MAGI1: variants seen among roughly 807,000 people sequenced by gnomAD.
The protein encoded by MAGI1 is membrane-associated guanylate kinase, WW and PDZ domain-containing protein 1.
Under a neutral mutation model 139.9 loss-of-function variants are expected in MAGI1, and 58 were observed. The observed-to-expected ratio is 0.41, with a 90% CI of 0.34 to 0.52. The LOEUF is 0.52. MAGI1 is among the 20% of genes least tolerant of loss of function. MAGI1 has a pLI of 0.12. For synonymous variants in MAGI1, 812 were observed against 737.9 expected (o/e 1.10, Z -1.63); for missense variants, 1,874 against 1,901.6 (o/e 0.99, Z 0.27).
intron 2 of MAGI1, among the ~76,000 whole-genome samples, chr3:65,530,443 G>A (rs900875069): frequency 6.6e-6 from 1 of 151,578 alleles, no homozygotes; most frequent in Non-Finnish European, 1.5e-5. Flanking sequence ...ATGAGACCCC[G>A]TCTCTACAAA....
At position 65,565,101 on chromosome 3, in the gene MAGI1, G is replaced by A. The variant is rs141890894; in HGVS notation, c.430+56871C>T. ...CTGCAAGCACATCAGCATACACACG[G>A]GTGCACACACATATATACGGGCACA... is the stretch of plus-strand genomic sequence containing the variant. On this transcript the variant is annotated intron_variant, in intron 2 of 22. Coordinates refer to ENST00000402939, the MANE Select transcript of MAGI1 (RefSeq NM_001033057.2). Among the ~76,000 whole-genome samples the A allele has an allele frequency of 2.6e-5, 4 of 152,220 alleles. No homozygotes were observed. In the East Asian group the frequency reaches 7.7e-4, roughly 29 times the overall value.
chr3:65,531,152 A>G (rs1429257238), intron 2 of MAGI1, among the ~76,000 whole-genome samples: 1 of 151,906 alleles, frequency 6.6e-6, no homozygotes, highest in Non-Finnish European at 1.5e-5. Flanking sequence ...AAATTCTCTC[A>G]GGACACAAAA....
chr3:65,520,013 T>G (rs1021187766), intron 2 of MAGI1, among the ~76,000 whole-genome samples: 7 of 152,204 alleles, frequency 4.6e-5, no homozygotes, highest in African/African-American at 1.7e-4. Context: ...CGGAGAAAGC[T>G]GGAGAGACCC....
At chr3:65,772,600 G>T (rs2038045667) in intron 1 of MAGI1, among the ~76,000 whole-genome samples, 1 of 152,194 alleles carries the variant, frequency 6.6e-6, no homozygotes, top group South Asian at 2.1e-4. Context: ...GCCACATGGA[G>T]AACACTTCGT....
At chr3:65,892,132 A>C (rs78107486) in intron 1 of MAGI1, among the ~76,000 whole-genome samples, 2,607 of 151,718 alleles carry the variant, frequency 0.017, 63 homozygotes, top group African/African-American at 0.06. Context: ...CCCATCCTTA[A>C]TTATGTAACA....
chr3:65,935,603 T>C (rs907665196), intron 1 of MAGI1, among the ~76,000 whole-genome samples: 4 of 150,012 alleles, frequency 2.7e-5, no homozygotes, highest in Admixed American at 6.7e-5. Flanking sequence ...GAGTGGGCAA[T>C]AGAGCGCAAT....
In MAGI1 at chr3:65,694,861, CTT is replaced by C. The variant is rs529239575; in HGVS notation, c.314-72775_314-72774del. On this transcript the variant is annotated intron_variant, in intron 1 of 22. Transcript: ENST00000402939. ...CTACTCACTACCTGGCTGGCTGTCT[CTT>C]TGAACAGGCTGAGATAATTGGTTTT... Among the ~76,000 whole-genome samples the C allele has an allele frequency of 1.8e-4, 28 of 152,326 alleles. No individual in the cohort carries two copies. In the East Asian group the frequency reaches 5.4e-3, roughly 29 times the overall value.
At chr3:66,011,511 C>G (rs548021287) in intron 1 of MAGI1, among the ~76,000 whole-genome samples, 1 of 152,238 alleles carries the variant, frequency 6.6e-6, no homozygotes, top group East Asian at 1.9e-4. Context: ...CCAGGATCCC[C>G]CTCCAAGACT....
intron 1 of MAGI1, among the ~76,000 whole-genome samples, chr3:65,904,090 A>G (rs1297364922): frequency 2.0e-5 from 3 of 152,212 alleles, no homozygotes; most frequent in Non-Finnish European, 4.4e-5. Flanking sequence ...AGCACAGACT[A>G]CTTAATCTTT....
intron 1 of MAGI1, among the ~76,000 whole-genome samples, chr3:65,833,070 A>T (rs2042610860): frequency 6.6e-6 from 1 of 152,108 alleles, no homozygotes; most frequent in African/African-American, 2.4e-5. Context: ...CAACATCTCC[A>T]AACAGGTCAA....
At chr3:65,431,025 TA>T in intron 10 of MAGI1, 144 bp from the exon 11 acceptor site, 1 of 752,838 alleles carries the variant, frequency 1.3e-6, no homozygotes, top group Non-Finnish European at 2.1e-6. Flanking sequence ...AGTCCTCTCT[TA>T]ATTTGAGGAA....
In MAGI1 at chr3:65,485,098, T is replaced by G. The variant is rs147809663; in HGVS notation, c.551-6300A>C. 1.9e-3 allele frequency among the ~76,000 whole-genome samples: 289 copies of G among 152,298 alleles called. 1 individual carries two copies. The highest frequency in any genetic ancestry group is 6.3e-3 in the African/African-American group (264 of 41,582). On this transcript the variant is annotated intron_variant, in intron 3 of 22. Transcript: ENST00000402939. Reference sequence around the variant, plus strand: ...CCAGCCTGGGATCCTCCTAAAAACCTGTATTGTGGATCCAGTTTTTAATAG... The same window carrying G: ...CCAGCCTGGGATCCTCCTAAAAACCGGTATTGTGGATCCAGTTTTTAATAG...
At chr3:65,519,929 T>G (rs1488285283) in intron 2 of MAGI1, among the ~76,000 whole-genome samples, 6 of 152,184 alleles carry the variant, frequency 3.9e-5, no homozygotes, top group Non-Finnish European at 5.9e-5. Flanking sequence ...CTTCCATGGC[T>G]AGGTGAGAAG....
intron 1 of MAGI1, among the ~76,000 whole-genome samples, chr3:65,962,312 G>A (rs1412196972): frequency 2.0e-5 from 3 of 151,120 alleles, no homozygotes; most frequent in Non-Finnish European, 4.4e-5. Context: ...TAGTAGAGAC[G>A]GGGTTTCACC....
chr3:65,624,430 T>A (rs2083856234), intron 1 of MAGI1, among the ~76,000 whole-genome samples: 1 of 152,154 alleles, frequency 6.6e-6, no homozygotes, highest in Non-Finnish European at 1.5e-5. Flanking sequence ...CACTGGGGTG[T>A]TACATAGAAA....
intron 5 of MAGI1, among the ~76,000 whole-genome samples, chr3:65,468,503 G>C (rs1298578271): frequency 6.6e-6 from 1 of 150,394 alleles, no homozygotes; most frequent in African/African-American, 2.5e-5. Context: ...AGCCTCTCAA[G>C]TGGCTGGGAC....
intron 1 of MAGI1, among the ~76,000 whole-genome samples, chr3:65,704,706 T>C (rs2089834733): frequency 6.6e-6 from 1 of 152,074 alleles, no homozygotes; most frequent in Non-Finnish European, 1.5e-5. Flanking sequence ...TGAAAATTTG[T>C]GTGCATTCAA....
In MAGI1 at chr3:65,728,306, G is replaced by C. The variant is rs2033832567; in HGVS notation, c.314-106218C>G. Among the ~76,000 whole-genome samples the C allele has an allele frequency of 1.3e-5, 2 of 152,144 alleles. 1 individual carries two copies. The highest frequency in any genetic ancestry group is 4.1e-4 in the South Asian group (2 of 4,820). ...GATTGGAGCTGGAGCACCCTGTGAG[G>C]CGCAGAAGGTGGCCTAAGATGAGCT... On this transcript the variant is annotated intron_variant, in intron 1 of 22. Coordinates refer to ENST00000402939, the MANE Select transcript of MAGI1 (RefSeq NM_001033057.2).
Position 65,658,503 on chromosome 3 carries a change from T to C in MAGI1, c.314-36415A>G, listed in dbSNP as rs115673765. ...CAAATTGTAACACTGACTGAACAAC[T>C]GAATTCTTCAGACCAGTTCTTCTGA... On this transcript the variant is annotated intron_variant, in intron 1 of 22. Coordinates refer to ENST00000402939, the MANE Select transcript of MAGI1 (RefSeq NM_001033057.2). Among the ~76,000 whole-genome samples the C allele has an allele frequency of 2.0e-3, 299 of 152,338 alleles. 3 individuals are homozygous for C. The highest frequency in any genetic ancestry group is 7.0e-3 in the African/African-American group (292 of 41,576).
Sources: allele counts gnomAD v4.1 joint callset (sites outside exome capture counted in the v4.1 genomes callset), GRCh38; gene constraint gnomAD v4.1.1; transcripts MANE v1.5; gene names NCBI Gene and HGNC (gene_info 2026-07-23, HGNC 2026-07-21).